DAB2IP: variants seen among roughly 807,000 people sequenced by gnomAD.
DAB2IP encodes disabled homolog 2-interacting protein.
DAB2IP carries 28 observed loss-of-function variants against 107.2 expected under a neutral mutation model. The observed-to-expected ratio is 0.26, with a 90% CI of 0.19 to 0.36. The LOEUF is 0.36. DAB2IP is among the 10% of genes least tolerant of loss of function. The pLI is 1.00. For synonymous variants in DAB2IP, 755 were observed against 706.4 expected, an observed-to-expected ratio of 1.07 and a Z score of -1.09; for missense variants, 1,400 against 1,644.7, an observed-to-expected ratio of 0.85 and a Z score of 2.57.
intron 15 of DAB2IP, among the ~76,000 whole-genome samples, chr9:121,781,916 G>A (rs1266393184): frequency 2.0e-5 from 3 of 152,160 alleles, no homozygotes; most frequent in African/African-American, 7.2e-5. Context: ...TGCATTGAGG[G>A]GAGACGTGAA....
At chr9:121,751,987 A>G in intron 3 of DAB2IP, 1 of 985,374 alleles carries the variant, frequency 1.0e-6, no homozygotes, top group Non-Finnish European at 1.2e-6. Context: ...GGACAGGTAA[A>G]GGGTCTCTAG....
At chr9:121,771,758 C>G (rs567605003) in intron 11 of DAB2IP, among the ~76,000 whole-genome samples, 12 of 152,254 alleles carry the variant, frequency 7.9e-5, no homozygotes, top group Admixed American at 2.6e-4. Context: ...CTCCCAGGCC[C>G]GTGAGCACTG....
At chr9:121,716,112 A>G (rs1830589401) in intron 3 of DAB2IP, among the ~76,000 whole-genome samples, 1 of 152,224 alleles carries the variant, frequency 6.6e-6, no homozygotes, top group Non-Finnish European at 1.5e-5. Context: ...GACAAGCCCC[A>G]GGTGATTCTG....
intron 3 of DAB2IP, among the ~76,000 whole-genome samples, chr9:121,748,914 C>T (rs988446257): frequency 1.3e-5 from 2 of 152,144 alleles, no homozygotes; most frequent in South Asian, 2.1e-4. Flanking sequence ...CAGCCCAGGG[C>T]GTTCTGTGTG....
At chr9:121,691,621 C>T (rs976413756) in intron 2 of DAB2IP, among the ~76,000 whole-genome samples, 5 of 152,112 alleles carry the variant, frequency 3.3e-5, no homozygotes, top group African/African-American at 1.2e-4. Flanking sequence ...TTCTTCCATG[C>T]GTGATCTCAT....
At chr9:121,593,495 C>T (rs1830456538) in intron 1 of DAB2IP, among the ~76,000 whole-genome samples, 2 of 151,928 alleles carry the variant, frequency 1.3e-5, no homozygotes, top group African/African-American at 4.8e-5. Flanking sequence ...TGGTCTTGAA[C>T]TCTTGGGCTC....
At chr9:121,744,379 C>T (rs1346459882) in intron 3 of DAB2IP, among the ~76,000 whole-genome samples, 4 of 152,070 alleles carry the variant, frequency 2.6e-5, no homozygotes, top group Admixed American at 1.3e-4. Flanking sequence ...GGTGTGGTAG[C>T]GTCTTTACTG....
intron 9 of DAB2IP, among the ~76,000 whole-genome samples, chr9:121,766,970 A>C (rs960275161): frequency 9.2e-5 from 14 of 152,250 alleles, no homozygotes; most frequent in Non-Finnish European, 2.1e-4. Context: ...TGACGACATG[A>C]GACATTTTTT....
At chr9:121,601,888 G>A (rs144810516) in intron 1 of DAB2IP, among the ~76,000 whole-genome samples, 1 of 15,254 alleles carries the variant, frequency 6.6e-5, no homozygotes, top group Non-Finnish European at 1.7e-4. Context: ...ACATGCCTTT[G>A]TGTGTGTGTG....
intron 1 of DAB2IP, among the ~76,000 whole-genome samples, chr9:121,594,138 G>A (rs1830476992): frequency 6.6e-6 from 1 of 151,856 alleles, no homozygotes; most frequent in Non-Finnish European, 1.5e-5. Flanking sequence ...TCTAGTCAAT[G>A]TTGGCTGTGT....
At chr9:121,652,503 G>A (rs548057325) in intron 1 of DAB2IP, among the ~76,000 whole-genome samples, 78 of 152,242 alleles carry the variant, frequency 5.1e-4, no homozygotes, top group African/African-American at 1.9e-3. Context: ...GTGTGATCCC[G>A]GGGGCTGCGT....
At chr9:121,666,867 AACACACACACACACAC>A (rs59290421) in intron 1 of DAB2IP, among the ~76,000 whole-genome samples, 12,718 of 128,652 alleles carry the variant, frequency 0.099, 746 homozygotes, top group Non-Finnish European at 0.14. Context: ...CCCCAGCCCC[AACACACACACACACAC>A]ACACACACAC....
At chr9:121,744,702 A>AGT (rs1832601482) in intron 3 of DAB2IP, among the ~76,000 whole-genome samples, 1 of 152,228 alleles carries the variant, frequency 6.6e-6, no homozygotes, top group Non-Finnish European at 1.5e-5. Context: ...TTAGAGCCGA[A>AGT]GTGCCAGGTG....
exon 4 of DAB2IP, chr9:121,757,015 C>T (rs202163855): frequency 4.5e-5 from 72 of 1,613,920 alleles, no homozygotes; most frequent in Non-Finnish European, 5.1e-6. Context: ...CACCCCAGGT[C>T]CCATCTGATG....
chr9:121,652,599 C>T (rs1832797882), intron 1 of DAB2IP, among the ~76,000 whole-genome samples: 1 of 152,020 alleles, frequency 6.6e-6, no homozygotes, highest in South Asian at 2.1e-4. Flanking sequence ...CAAAGGGGCT[C>T]TGGGGAGGCT....
chr9:121,699,416 C>A lies in DAB2IP; in HGVS notation c.320C>A (p.Pro107Gln). ...AACCACAGCTTCCGCCACATCCTGCCGGGGTTCCGGAGCGCCGCCGCCGCC... is the reference window on the plus strand; with the variant it reads ...AACCACAGCTTCCGCCACATCCTGCAGGGGTTCCGGAGCGCCGCCGCCGCC... Residue 107 changes from proline to glutamine, a missense_variant, in exon 3 of 16, where the codon CCG becomes CAG. By Grantham distance (76) the Pro-to-Gln change is moderately conservative. Around this residue, in one of 3 missense-constraint regions of DAB2IP, gnomAD observed 283 missense variants for 237.0 expected, o/e 1.19. Transcript: ENST00000408936. This position sits in a 1 kb window ranked among gnomAD's most constrained non-coding sequence, Gnocchi z 6.2. 1.4e-6 allele frequency: 2 copies of A among 1,467,128 alleles called. No homozygotes were observed. Among genetic ancestry groups the A allele is most frequent in the Non-Finnish European group, 1.8e-6 (2 of 1,099,202 alleles). 90.9% of individuals were successfully genotyped at this position (1,467,128 alleles called of 1,614,324 possible). A position where few individuals can be genotyped will look rare whatever the true frequency, so the allele number is the denominator to read the frequency against.
Position 121,699,541 on chromosome 9 carries a change from G to T in DAB2IP, c.362+83G>T. 1.8e-6 allele frequency: 2 copies of T among 1,133,246 alleles called. No individual in the cohort carries two copies. The highest frequency in any genetic ancestry group is 2.2e-6 in the Non-Finnish European group (2 of 920,174). 70.2% of individuals were successfully genotyped at this position (1,133,246 alleles called of 1,614,324 possible). On this transcript the variant is annotated intron_variant, in intron 3 of 15. Transcript: ENST00000408936. The surrounding 1 kb of genome is among the most constrained non-coding windows in gnomAD (Gnocchi z 6.2). Reference sequence around the variant, plus strand: ...GGACGCGGGGACAAAGCGCGAGCCCGGCCCGGGGCGAGCCACACGGCGGTG... The same window carrying T: ...GGACGCGGGGACAAAGCGCGAGCCCTGCCCGGGGCGAGCCACACGGCGGTG...
intron 2 of DAB2IP, among the ~76,000 whole-genome samples, chr9:121,695,417 C>T (rs376728514): frequency 6.6e-6 from 1 of 152,288 alleles, no homozygotes; most frequent in South Asian, 2.1e-4. Context: ...GACATTGTAC[C>T]TCATTTCATC....
At chr9:121,665,899 T>C (rs1564143262) in intron 1 of DAB2IP, among the ~76,000 whole-genome samples, 1 of 152,212 alleles carries the variant, frequency 6.6e-6, no homozygotes, top group African/African-American at 2.4e-5. Flanking sequence ...ATCTTTACTT[T>C]AATGTAACTA....
Sources: gnomAD v4.1 joint callset for allele counts (sites outside exome capture counted in the v4.1 genomes callset) on GRCh38, gnomAD v4.1.1 for gene constraint, gnomAD v4.1.1 regional missense constraint, Gnocchi (gnomAD v3.1) non-coding constraint, MANE v1.5 for transcripts, NCBI Gene and HGNC (gene_info 2026-07-23, HGNC 2026-07-21) for gene names.